The following CTNNA3 variants were observed in gnomAD, a reference collection of about 807,000 sequenced individuals.
CTNNA3 encodes catenin alpha 3, also known as catenin alpha-3.
Under a neutral mutation model 95.7 loss-of-function variants are expected in CTNNA3, and 76 were observed. The ratio of observed to expected loss-of-function variants is 0.79; its 90% CI spans 0.66 to 0.96. CTNNA3 has a LOEUF of 0.96. CTNNA3 is among the 40% of genes least tolerant of loss of function. The pLI is 0.00. For missense variants in CTNNA3, 1,191 were observed against 1,089.8 expected, an observed-to-expected ratio of 1.09 and a Z score of -1.31; for synonymous variants, 431 against 374.4, an observed-to-expected ratio of 1.15 and a Z score of -1.74.
chr10:67,021,103 T>C (rs1218226878), intron 7 of CTNNA3, among the ~76,000 whole-genome samples: 3 of 152,302 alleles, frequency 2.0e-5, no homozygotes, highest in Admixed American at 6.5e-5. Flanking sequence ...ACTATTACTC[T>C]GACAGGAGGA....
At chr10:66,838,196 G>A (rs1842942630) in intron 7 of CTNNA3, among the ~76,000 whole-genome samples, 1 of 152,088 alleles carries the variant, frequency 6.6e-6, no homozygotes, top group African/African-American at 2.4e-5. Flanking sequence ...CCACAGACTA[G>A]GGAGAGGGAG....
intron 3 of CTNNA3, among the ~76,000 whole-genome samples, chr10:67,549,759 A>T (rs916365305): frequency 1.3e-5 from 2 of 152,232 alleles, no homozygotes; most frequent in African/African-American, 2.4e-5. Flanking sequence ...AAATTATATA[A>T]AATGTAAATT....
At chr10:66,597,266 C>T (rs1025265608) in intron 10 of CTNNA3, among the ~76,000 whole-genome samples, 2 of 151,572 alleles carry the variant, frequency 1.3e-5, no homozygotes, top group African/African-American at 2.4e-5. Flanking sequence ...GAAATCATAA[C>T]AGAAGTCTTT....
At chr10:67,647,306 C>T (rs1839746173) in intron 2 of CTNNA3, 109 bp downstream of exon 2, 1 of 749,386 alleles carries the variant, frequency 1.3e-6, no homozygotes, top group African/African-American at 1.8e-5. Context: ...TTTTAGATGA[C>T]ATATTTATAT....
At chr10:65,927,025 C>G (rs1246568444) in intron 17 of CTNNA3, among the ~76,000 whole-genome samples, 2 of 151,970 alleles carry the variant, frequency 1.3e-5, no homozygotes, top group African/African-American at 4.8e-5. Flanking sequence ...TGAATAAAGA[C>G]AGTTGTATCT....
At chr10:66,353,730 GA>G (rs1169340211) in intron 12 of CTNNA3, among the ~76,000 whole-genome samples, 6 of 150,794 alleles carry the variant, frequency 4.0e-5, no homozygotes, top group Admixed American at 6.6e-5. Flanking sequence ...AGTTGATGTA[GA>G]AAAAAAAATC....
chr10:66,457,398 T>C (rs1243598688), intron 11 of CTNNA3, among the ~76,000 whole-genome samples: 1 of 152,002 alleles, frequency 6.6e-6, no homozygotes, highest in Non-Finnish European at 1.5e-5. Context: ...TTCATGATAA[T>C]ATCAAAAGGC....
intron 1 of CTNNA3, among the ~76,000 whole-genome samples, chr10:67,709,438 C>T (rs1841094997): frequency 6.6e-6 from 1 of 152,114 alleles, no homozygotes; most frequent in South Asian, 2.1e-4. Context: ...GAGGACAGTT[C>T]CACGCACTGT....
At chr10:66,490,180 G>A (rs1839874840) in intron 11 of CTNNA3, among the ~76,000 whole-genome samples, 1 of 152,210 alleles carries the variant, frequency 6.6e-6, no homozygotes, top group African/African-American at 2.4e-5. Flanking sequence ...AACCTCTGAA[G>A]CCTTTACCAT....
intron 1 of CTNNA3, among the ~76,000 whole-genome samples, chr10:67,727,053 T>C (rs1452688250): frequency 1.8e-5 from 2 of 110,248 alleles, no homozygotes; most frequent in African/African-American, 4.4e-5. Flanking sequence ...ACATATATGA[T>C]ATAATTATAT....
chr10:66,417,991 G>A (rs1484956873), intron 11 of CTNNA3, among the ~76,000 whole-genome samples: 3 of 151,180 alleles, frequency 2.0e-5, no homozygotes, highest in Non-Finnish European at 1.5e-5. Flanking sequence ...AACATTAGCA[G>A]GAGGCAAGAA....
chr10:67,171,565 ACT>A (rs1222785957), intron 7 of CTNNA3, among the ~76,000 whole-genome samples: 2 of 150,422 alleles, frequency 1.3e-5, no homozygotes, highest in Non-Finnish European at 3.0e-5. Context: ...CAACAGTGAA[ACT>A]CTGTCTCAAA....
intron 5 of CTNNA3, among the ~76,000 whole-genome samples, chr10:67,312,658 C>G (rs1443743504): frequency 6.6e-6 from 1 of 152,196 alleles, no homozygotes; most frequent in African/African-American, 2.4e-5. Context: ...GCCATTGATT[C>G]TGTGACAATG....
At chr10:67,266,479 T>C (rs1010103830) in intron 5 of CTNNA3, among the ~76,000 whole-genome samples, 4 of 152,104 alleles carry the variant, frequency 2.6e-5, no homozygotes, top group Admixed American at 2.6e-4. Flanking sequence ...GGCAATATTC[T>C]AGATAGCAGT....
At chr10:67,757,216 T>G (rs912816558) in intron 1 of CTNNA3, among the ~76,000 whole-genome samples, 2 of 152,228 alleles carry the variant, frequency 1.3e-5, no homozygotes, top group Non-Finnish European at 2.9e-5. Context: ...TCCCTAAACA[T>G]GGCAGCTTTA....
At chr10:66,002,627 T>C (rs1262815788) in intron 15 of CTNNA3, among the ~76,000 whole-genome samples, 2 of 151,822 alleles carry the variant, frequency 1.3e-5, no homozygotes, top group East Asian at 3.9e-4. Context: ...ACATAGTTGT[T>C]CAAGGACCTA....
At chr10:66,092,136 C>A (rs888384893) in intron 14 of CTNNA3, among the ~76,000 whole-genome samples, 1 of 151,836 alleles carries the variant, frequency 6.6e-6, no homozygotes, top group African/African-American at 2.4e-5. Context: ...AATATCCAAT[C>A]TTTTAGCAAA....
intron 5 of CTNNA3, among the ~76,000 whole-genome samples, chr10:67,400,825 TA>T (rs1426671380): frequency 6.6e-6 from 1 of 152,272 alleles, no homozygotes; most frequent in East Asian, 1.9e-4. Flanking sequence ...CACTGAACCA[TA>T]AGGCTAAATT....
chr10:67,140,213 T>C (rs1860490213), intron 7 of CTNNA3, among the ~76,000 whole-genome samples: 1 of 152,208 alleles, frequency 6.6e-6, no homozygotes, highest in South Asian at 2.1e-4. Flanking sequence ...TATCTTAAAA[T>C]TGGTAAGTCA....
Sources: allele counts gnomAD v4.1 joint callset (sites outside exome capture counted in the v4.1 genomes callset), GRCh38; gene constraint gnomAD v4.1.1; transcripts MANE v1.5; gene names NCBI Gene and HGNC (gene_info 2026-07-23, HGNC 2026-07-21).